The following DORIP1 variants were observed in gnomAD, a reference collection of about 807,000 sequenced individuals.
DORIP1 encodes the protein dopamine receptor interacting protein 1.
chr14:44,903,243 A>G, the DORIP1 span: 1 of 1,613,422 alleles, frequency 6.2e-7, no homozygotes, highest in Non-Finnish European at 8.5e-7. Context: ...ACTTGATAAG[A>G]CTGGCTGTGA....
At chr14:44,906,192 A>G in the DORIP1 span, 1 of 151,860 alleles carries the variant, frequency 6.6e-6, no homozygotes. Flanking sequence ...TAAACCTGCC[A>G]GTGGATTTTA....
the DORIP1 span, chr14:44,904,016 C>A: frequency 1.0e-6 from 1 of 982,010 alleles, no homozygotes. Context: ...TGCTTATAGT[C>A]GAGTCTAATG....
chr14:44,902,536 C>T, the DORIP1 span, among the ~76,000 whole-genome samples: 2 of 151,924 alleles, frequency 1.3e-5, no homozygotes, highest in Non-Finnish European at 2.9e-5. Context: ...TGCTGTGTTG[C>T]CCAGGTTGGT....
chr14:44,904,016 C>G, the DORIP1 span: 1 of 981,892 alleles, frequency 1.0e-6, no homozygotes, highest in South Asian at 4.7e-5. Flanking sequence ...TGCTTATAGT[C>G]GAGTCTAATG....
At chr14:44,900,250 T>A in the DORIP1 span, among the ~76,000 whole-genome samples, 1 of 152,180 alleles carries the variant, frequency 6.6e-6, no homozygotes, top group African/African-American at 2.4e-5. Flanking sequence ...TCTTAAATGG[T>A]CTTTCCAGAG....
chr14:44,900,694 G>A, the DORIP1 span: 3 of 1,613,680 alleles, frequency 1.9e-6, no homozygotes, highest in Non-Finnish European at 2.5e-6. Context: ...TTTTGGTAGA[G>A]AGTTTGTAGA....
At chr14:44,905,423 C>T in the DORIP1 span, 4 of 1,567,344 alleles carry the variant, frequency 2.6e-6, no homozygotes, top group Non-Finnish European at 3.5e-6. Context: ...TATTCTGCAG[C>T]TTTCCAGATT....
chr14:44,906,767 A>G, the DORIP1 span: 1 of 152,626 alleles, frequency 6.6e-6, no homozygotes, highest in Non-Finnish European at 1.5e-5. Flanking sequence ...GACAGCACAG[A>G]TCACTGCCAT....
chr14:44,905,606 G>T, the DORIP1 span: 37 of 1,271,356 alleles, frequency 2.9e-5, no homozygotes, highest in Non-Finnish European at 3.6e-5. Context: ...CCCAGATGAA[G>T]GGCTTTTATT....
the DORIP1 span, chr14:44,904,530 G>C: frequency 6.4e-7 from 1 of 1,573,514 alleles, no homozygotes; most frequent in Admixed American, 2.0e-5. Context: ...CTGATCACAA[G>C]TAGGTGTTTT....
the DORIP1 span, chr14:44,897,521 C>T: frequency 4.9e-6 from 1 of 203,612 alleles, no homozygotes; most frequent in Non-Finnish European, 9.6e-6. Flanking sequence ...GAGCAGGCGG[C>T]GGCGGCGACG....
At chr14:44,903,975 T>C in the DORIP1 span, 1 of 977,218 alleles carries the variant, frequency 1.0e-6, no homozygotes, top group African/African-American at 1.8e-5. Context: ...ATATACTTAA[T>C]ACCTCATAAT....
the DORIP1 span, among the ~76,000 whole-genome samples, chr14:44,902,073 C>T: frequency 6.6e-6 from 1 of 152,330 alleles, no homozygotes; most frequent in South Asian, 2.1e-4. Context: ...AAATGTATAT[C>T]ACATACCCTA....
chr14:44,897,467 A>AGGC, the DORIP1 span: 37 of 212,372 alleles, frequency 1.7e-4, no homozygotes, highest in African/African-American at 7.9e-4. Context: ...CTCATAGATG[A>AGGC]GGCAGCGGCG....
chr14:44,904,265 A>T, the DORIP1 span: 5 of 1,421,480 alleles, frequency 3.5e-6, no homozygotes, highest in Non-Finnish European at 4.6e-6. Flanking sequence ...CTATAACTAT[A>T]GGTATTAACC....
At chr14:44,903,833 C>G in the DORIP1 span, 2 of 984,858 alleles carry the variant, frequency 2.0e-6, no homozygotes, top group Non-Finnish European at 2.4e-6. Context: ...ATTGTAGCAA[C>G]AAATACTGAA....
the DORIP1 span, chr14:44,900,453 A>T: frequency 6.5e-7 from 1 of 1,530,444 alleles, no homozygotes; most frequent in East Asian, 2.3e-5. Flanking sequence ...CACTGTTTGA[A>T]GAGATCAAAG....
chr14:44,900,633 A>T, the DORIP1 span: 1 of 1,608,972 alleles, frequency 6.2e-7, no homozygotes, highest in Non-Finnish European at 8.5e-7. Flanking sequence ...TGATGTTATT[A>T]TATGTCATTC....
chr14:44,899,823 A>ATTTTTTTTTTTTTTTTTTTTTTTTTT, the DORIP1 span, among the ~76,000 whole-genome samples: 1 of 134,396 alleles, frequency 7.4e-6, no homozygotes, highest in African/African-American at 3.4e-5. Flanking sequence ...TTCATTTAGG[A>ATTTTTTTTTTTTTTTTTTTTTTTTTT]ATTTTTTTTT....
Sources: gnomAD v4.1 joint callset for allele counts (sites outside exome capture counted in the v4.1 genomes callset) on GRCh38, gnomAD v4.1.1 for gene constraint, MANE v1.5 for transcripts, NCBI Gene and HGNC (gene_info 2026-07-23, HGNC 2026-07-21) for gene names.